Variants in OGG1 observed in about 807,000 individuals in gnomAD.
OGG1 encodes the protein N-glycosylase/DNA lyase.
A neutral mutation model predicts 42.3 loss-of-function variants in OGG1; 35 were observed. That is an observed-to-expected ratio of 0.83 (90% CI 0.63 to 1.10). The LOEUF is 1.10. Among genes scored for constraint, OGG1 ranks in the 50% least tolerant of loss-of-function variants. OGG1 has a pLI of 0.00. For synonymous variants in OGG1, 189 were observed against 179.0 expected, an observed-to-expected ratio of 1.06 and a Z score of -0.44; for missense variants, 484 against 446.7, an observed-to-expected ratio of 1.08 and a Z score of -0.75.
downstream of OGG1, chr3:9,760,628 CA>C: frequency 2.5e-6 from 4 of 1,612,622 alleles, no homozygotes; most frequent in Non-Finnish European, 3.4e-6. Context: ...AGGCAGGGCC[CA>C]GGGGAAAAAA....
At chr3:9,766,395 CA>C (rs1263981982) in exon 8 of OGG1, 2 of 569,490 alleles carry the variant, frequency 3.5e-6, no homozygotes, top group Non-Finnish European at 6.5e-6. Flanking sequence ...GCTAATTTAA[CA>C]CCCTTTAGAA....
chr3:9,764,500 C>A (rs188319344), intron 7 of OGG1, among the ~76,000 whole-genome samples: 338 of 151,756 alleles, frequency 2.2e-3, no homozygotes, highest in African/African-American at 7.8e-3. Flanking sequence ...TTAGTAGAGA[C>A]GGAGTTTCTC....
chr3:9,775,830 G>C (rs2078356836), intron 2 of OGG1, among the ~76,000 whole-genome samples: 1 of 152,156 alleles, frequency 6.6e-6, no homozygotes, highest in African/African-American at 2.4e-5. Context: ...AGTAGAGACA[G>C]GGTTTCACCA....
At chr3:9,790,005 A>G, downstream of OGG1, 1 of 1,540,892 alleles carries the variant, frequency 6.5e-7, no homozygotes, top group South Asian at 1.3e-5. Context: ...AGAAGGGAAA[A>G]CACAGAATAT....
At chr3:9,766,575 T>C (rs1017011847) in exon 8 of OGG1, 20 of 838,788 alleles carry the variant, frequency 2.4e-5, no homozygotes, top group Non-Finnish European at 3.0e-5. Flanking sequence ...AGGTGATTTG[T>C]ATGCTCATTG....
At chr3:9,785,049 T>C (rs1009287027) in intron 3 of OGG1, among the ~76,000 whole-genome samples, 1 of 152,208 alleles carries the variant, frequency 6.6e-6, no homozygotes, top group African/African-American at 2.4e-5. Context: ...AGTTATTTCA[T>C]CATATGGAGT....
downstream of OGG1, chr3:9,767,781 C>A: frequency 6.2e-7 from 1 of 1,612,908 alleles, no homozygotes; most frequent in Non-Finnish European, 8.5e-7. Flanking sequence ...AGCCAGGGCT[C>A]CTGTAAGGAG....
At chr3:9,784,096 A>C in intron 3 of OGG1, 1 of 1,614,154 alleles carries the variant, frequency 6.2e-7, no homozygotes, top group Non-Finnish European at 8.5e-7. Context: ...GCCGTTTGCG[A>C]AGCTCAGCAA....
chr3:9,784,225 G>A (rs539897462), intron 3 of OGG1: 23 of 1,597,278 alleles, frequency 1.4e-5, no homozygotes, highest in East Asian at 4.5e-5. Context: ...TGCAGCGGGA[G>A]GCAGGCCCGT....
rs2077466719 is a variant in OGG1 at position 9,754,890 on chromosome 3, G to GGAGCTGCCCTATCTACT, written c.747+6_747+7insAGCTGCCCTATCTACTG. ...CTGCCTGGAGTGGGCACCAAGGTGA[G>GGAGCTGCCCTATCTACT]GCCCCAGGGGGTAGGAGCTGCCCTC... On this transcript the variant is annotated splice_donor_region_variant and intron_variant, in intron 4 of 6. Coordinates refer to ENST00000344629, the MANE Select transcript of OGG1 (RefSeq NM_002542.6). 3.8e-6 allele frequency: 6 copies of GGAGCTGCCCTATCTACT among 1,581,586 alleles called. No homozygotes were observed. The highest frequency in any genetic ancestry group is 5.2e-6 in the Non-Finnish European group (6 of 1,162,856).
chr3:9,756,946 C>T, intron 6 of OGG1, 115 bp from the exon 7 acceptor site: 2 of 1,611,946 alleles, frequency 1.2e-6, no homozygotes, highest in South Asian at 2.2e-5. Flanking sequence ...AGTGGATTCT[C>T]ATTGCCTTCG....
chr3:9,788,695 G>A (rs146248584), downstream of OGG1, among the ~76,000 whole-genome samples: 4 of 150,790 alleles, frequency 2.7e-5, no homozygotes, highest in East Asian at 2.0e-4. Flanking sequence ...GCATGCCACC[G>A]TGCCAGGCTA....
chr3:9,759,266 C>T (rs749260990), downstream of OGG1: 1 of 1,613,664 alleles, frequency 6.2e-7, no homozygotes, highest in South Asian at 1.1e-5. Flanking sequence ...GAATTACAGA[C>T]TTCTTCCTCT....
rs2078396168 is a variant in OGG1, at chr3:9,778,659, C to T, written c.295-2854C>T. On this transcript the variant is annotated intron_variant, in intron 2 of 3. Transcript: ENST00000426518. The stretch of plus-strand genomic sequence containing the variant: ...TTATAGTCTATGGCTTATGGTCCAA[C>T]AAGAAGTGGAACTCTCCTCTCAGCA... Among the ~76,000 whole-genome samples the T allele has an allele frequency of 2.0e-5, 3 of 152,164 alleles. No homozygotes were observed. In the South Asian group the frequency reaches 6.2e-4, roughly 31 times the overall value.
At chr3:9,777,499 T>G (rs73113554) in intron 2 of OGG1, among the ~76,000 whole-genome samples, 1 of 152,014 alleles carries the variant, frequency 6.6e-6, no homozygotes, top group Non-Finnish European at 1.5e-5. Flanking sequence ...CTCTGTGTCA[T>G]CTGCAGGCTG....
rs764866890 is a variant in OGG1 at position 9,757,300 on chromosome 3, G to A, written c.*150G>A. 6.2e-7 allele frequency: 1 copy of A among 1,614,066 alleles called. No homozygotes were observed. Among genetic ancestry groups the A allele is most frequent in the African/African-American group, 1.3e-5 (1 of 74,920 alleles). ...CACCCCCAAATCAAGCAGTCAGTTT[G>A]CACAACAAGATGGGGTGGGGGATAT... On this transcript the variant is annotated 3_prime_UTR_variant, in exon 7 of 7. Transcript: ENST00000344629. The surrounding 1 kb of genome is among the most constrained non-coding windows in gnomAD (Gnocchi z 4.5).
rs368134311 is a variant in OGG1, at chr3:9,754,699, C to A, written c.566-5C>A. 6.2e-7 allele frequency: 1 copy of A among 1,613,860 alleles called. No individual in the cohort carries two copies. The highest frequency in any genetic ancestry group is 1.1e-5 in the South Asian group (1 of 90,966). On this transcript the variant is annotated splice_region_variant and splice_polypyrimidine_tract_variant and intron_variant, in intron 3 of 6. Transcript: ENST00000344629. ...GATGCTTGCCCTCCTCCTCACTCCC[C>A]GCAGGGCCAGAGGTGGAGGCTCATC... is the stretch of plus-strand genomic sequence containing the variant.
At chr3:9,767,031 A>G (rs2078174215), downstream of OGG1, among the ~76,000 whole-genome samples, 2 of 151,630 alleles carry the variant, frequency 1.3e-5, no homozygotes, top group Admixed American at 6.6e-5. Flanking sequence ...ATCACACTCT[A>G]CCTCTCTCCA....
downstream of OGG1, chr3:9,789,757 G>A (rs750333465): frequency 1.9e-6 from 3 of 1,614,208 alleles, no homozygotes; most frequent in Non-Finnish European, 1.7e-6. Flanking sequence ...CGTCGATAGG[G>A]TCATCAGTGA....
Sources: allele counts gnomAD v4.1 joint callset (sites outside exome capture counted in the v4.1 genomes callset), GRCh38; gene constraint gnomAD v4.1.1; non-coding constraint Gnocchi (gnomAD v3.1); transcripts MANE v1.5; gene names NCBI Gene and HGNC (gene_info 2026-07-23, HGNC 2026-07-21).